PRKN: variants seen among roughly 807,000 people sequenced by gnomAD.
The protein encoded by PRKN is E3 ubiquitin-protein ligase parkin.
In PRKN, 56 loss-of-function variants were observed where a neutral mutation model predicts 59.5. That is an observed-to-expected ratio of 0.94 (90% CI 0.76 to 1.18). The LOEUF is 1.18. PRKN is among the 50% of genes most tolerant of loss of function. PRKN has a pLI of 0.00. For missense variants in PRKN, 657 were observed against 596.4 expected (o/e 1.10, Z -1.06); for synonymous variants, 250 against 222.1 (o/e 1.13, Z -1.12).
chr6:162,298,423 G>GT (rs968260667), intron 2 of PRKN, among the ~76,000 whole-genome samples: 1 of 151,586 alleles, frequency 6.6e-6, no homozygotes, highest in East Asian at 1.9e-4. Flanking sequence ...ATCCTTCTTT[G>GT]TTTTTTTTAA....
chr6:161,991,926 C>T (rs1463556086), intron 5 of PRKN, among the ~76,000 whole-genome samples: 1 of 152,128 alleles, frequency 6.6e-6, no homozygotes, highest in Non-Finnish European at 1.5e-5. Flanking sequence ...CCTATAAAAA[C>T]ACATAAAGAT....
rs143698164 is a variant in PRKN, at chr6:162,276,479, C to T, written c.172-13714G>A. 4.1e-3 allele frequency among the ~76,000 whole-genome samples: 626 copies of T among 152,130 alleles called. 13 individuals carry two copies. The highest frequency in any genetic ancestry group is 0.015 in the African/African-American group (609 of 41,514). ...GATTACAACTAAAGATACTTGCATT[C>T]ATTTTTTTGACTTTATTTTTTATTC... On this transcript the variant is annotated intron_variant, in intron 2 of 11. Transcript: ENST00000366898.
chr6:161,500,617 T>C (rs1777924220), intron 9 of PRKN, among the ~76,000 whole-genome samples: 2 of 152,182 alleles, frequency 1.3e-5, no homozygotes, highest in African/African-American at 4.8e-5. Context: ...CCTCTATGTC[T>C]TCCCATGGCT....
chr6:162,515,496 T>C (rs1364855832), intron 1 of PRKN, among the ~76,000 whole-genome samples: 3 of 152,138 alleles, frequency 2.0e-5, no homozygotes, highest in African/African-American at 7.2e-5. Flanking sequence ...AGAAGAAATA[T>C]AAAGTTGATA....
At chr6:162,563,214 G>A (rs1374162039) in intron 1 of PRKN, among the ~76,000 whole-genome samples, 1 of 152,086 alleles carries the variant, frequency 6.6e-6, no homozygotes, top group Non-Finnish European at 1.5e-5. Flanking sequence ...TGAGGCAGGA[G>A]AATGGCGTGA....
At chr6:162,668,450 T>C (rs1472093917) in intron 1 of PRKN, among the ~76,000 whole-genome samples, 1 of 152,022 alleles carries the variant, frequency 6.6e-6, no homozygotes, top group African/African-American at 2.4e-5. Context: ...AGAAAGGCTG[T>C]GGACAGAGGA....
chr6:162,288,038 T>G (rs950384920), intron 2 of PRKN, among the ~76,000 whole-genome samples: 1 of 152,156 alleles, frequency 6.6e-6, no homozygotes, highest in African/African-American at 2.4e-5. Context: ...TCCGGAATCC[T>G]GTTCATGATT....
chr6:161,875,293 C>T (rs1042484672), intron 6 of PRKN, among the ~76,000 whole-genome samples: 1 of 150,758 alleles, frequency 6.6e-6, no homozygotes, highest in African/African-American at 2.4e-5. Context: ...CTCCTGGGTT[C>T]AAGTTATTCT....
chr6:162,344,399 C>A (rs1334961299), intron 2 of PRKN, among the ~76,000 whole-genome samples: 2 of 151,976 alleles, frequency 1.3e-5, no homozygotes, highest in Non-Finnish European at 2.9e-5. Flanking sequence ...TATTTTAATT[C>A]CTAATGTAAA....
intron 4 of PRKN, among the ~76,000 whole-genome samples, chr6:162,073,742 G>A (rs1778688966): frequency 6.6e-6 from 1 of 152,222 alleles, no homozygotes; most frequent in Non-Finnish European, 1.5e-5. Context: ...TTGATGCCCT[G>A]CCCTCAGCCC....
chr6:161,699,551 A>G (rs577725011), intron 7 of PRKN, among the ~76,000 whole-genome samples: 2 of 152,334 alleles, frequency 1.3e-5, no homozygotes, highest in South Asian at 4.1e-4. Context: ...AATATAATCT[A>G]TAATCTCAAT....
At chr6:162,634,789 A>G (rs1170151603) in intron 1 of PRKN, among the ~76,000 whole-genome samples, 1 of 152,104 alleles carries the variant, frequency 6.6e-6, no homozygotes, top group East Asian at 1.9e-4. Context: ...ATGGCCAGCT[A>G]ATTTTTCTAT....
At chr6:162,181,336 GA>G (rs1275934730) in intron 4 of PRKN, among the ~76,000 whole-genome samples, 1 of 152,164 alleles carries the variant, frequency 6.6e-6, no homozygotes, top group African/African-American at 2.4e-5. Context: ...TTCTGGTACT[GA>G]AACCAAAGAA....
intron 1 of PRKN, among the ~76,000 whole-genome samples, chr6:162,480,037 C>A (rs1436932556): frequency 6.6e-6 from 1 of 150,602 alleles, no homozygotes; most frequent in Non-Finnish European, 1.5e-5. Context: ...TGCACTCCAG[C>A]CTGGGTGAGA....
chr6:161,754,473 C>G (rs893319682), intron 7 of PRKN, among the ~76,000 whole-genome samples: 9 of 152,052 alleles, frequency 5.9e-5, no homozygotes, highest in African/African-American at 2.2e-4. Flanking sequence ...ACACGAGGGC[C>G]ATGAGGTGGG....
intron 1 of PRKN, among the ~76,000 whole-genome samples, chr6:162,632,313 A>C (rs1783141150): frequency 6.6e-6 from 1 of 152,246 alleles, no homozygotes; most frequent in African/African-American, 2.4e-5. Flanking sequence ...ACACCATGGA[A>C]TACTACATAG....
intron 4 of PRKN, among the ~76,000 whole-genome samples, chr6:162,165,824 G>A (rs533601818): frequency 2.6e-5 from 4 of 151,872 alleles, no homozygotes; most frequent in East Asian, 1.9e-4. Flanking sequence ...CGAGGCAGGC[G>A]GATCCCCTTA....
chr6:161,641,201 C>T (rs1381176626), intron 7 of PRKN, among the ~76,000 whole-genome samples: 1 of 152,202 alleles, frequency 6.6e-6, no homozygotes, highest in Non-Finnish European at 1.5e-5. Context: ...ACTGCTTTTG[C>T]AGGACACAAT....
chr6:161,800,117 C>T (rs1791018220), intron 6 of PRKN, among the ~76,000 whole-genome samples: 1 of 152,094 alleles, frequency 6.6e-6, no homozygotes, highest in South Asian at 2.1e-4. Flanking sequence ...ATCACTCTAA[C>T]TTGAGGTAAC....
Sources: gnomAD v4.1 joint callset for allele counts (sites outside exome capture counted in the v4.1 genomes callset) on GRCh38, gnomAD v4.1.1 for gene constraint, MANE v1.5 for transcripts, NCBI Gene and HGNC (gene_info 2026-07-23, HGNC 2026-07-21) for gene names.